KCNQ2: variants seen among roughly 807,000 people sequenced by gnomAD.
KCNQ2 encodes the protein potassium voltage-gated channel subfamily Q member 2.
KCNQ2 carries 14 observed loss-of-function variants against 84.8 expected under a neutral mutation model. The observed-to-expected ratio is 0.17, with a 90% confidence interval of 0.11 to 0.26. KCNQ2 has a LOEUF of 0.26. Ranked by LOEUF, KCNQ2 falls within the 10% of genes least tolerant of loss-of-function variation. KCNQ2 has a pLI of 1.00. For synonymous variants in KCNQ2, 599 were observed against 554.1 expected, an observed-to-expected ratio of 1.08 and a Z score of -1.14; for missense variants, 788 against 1,254.0, an observed-to-expected ratio of 0.63 and a Z score of 5.61.
At chr20:63,442,255 G>A (rs1374351011) in intron 5 of KCNQ2, 151 bp downstream of exon 5, 20 of 270,092 alleles carry the variant, frequency 7.4e-5, no homozygotes, top group Admixed American at 2.1e-4. Context: ...CCACCACCCC[G>A]CCTCGACCAC....
intron 7 of KCNQ2, among the ~76,000 whole-genome samples, chr20:63,434,990 C>G (rs1193195645): frequency 6.6e-6 from 1 of 152,340 alleles, no homozygotes; most frequent in East Asian, 1.9e-4. Flanking sequence ...TCCACGTTTA[C>G]GAACTTTCTG....
At chr20:63,443,170 ACATCAC>A (rs1230534699) in intron 4 of KCNQ2, among the ~76,000 whole-genome samples, 10 of 77,664 alleles carry the variant, frequency 1.3e-4, no homozygotes, top group Non-Finnish European at 2.4e-4. Flanking sequence ...CACCACCATC[ACATCAC>A]CATCACCATC....
Position 63,406,824 on chromosome 20 carries a change from G to C in KCNQ2, c.2439C>G (p.Asn813Lys). 2.5e-6 allele frequency: 4 copies of C among 1,612,610 alleles called. No homozygotes were observed. The highest frequency in any genetic ancestry group is 3.4e-6 in the Non-Finnish European group (4 of 1,179,856). Residue 813 changes from asparagine to lysine, a missense_variant, in exon 17 of 17, where the codon AAC becomes AAG. Physicochemically the swap from Asn to Lys is moderately conservative, Grantham distance 94 (BLOSUM62 0). Transcript: ENST00000359125. Reference protein sequence around the residue: ...SGFSISQSKENLDALNSCYAA... With the variant: ...SGFSISQSKEKLDALNSCYAA... ...CGTAGCAGCTGTTGAGAGCATCCAG[G>C]TTCTCCTTGGACTGGGAGATGCTGA...
intron 12 of KCNQ2, among the ~76,000 whole-genome samples, chr20:63,419,247 G>A (rs2080393503): frequency 6.7e-6 from 1 of 149,828 alleles, no homozygotes; most frequent in Admixed American, 6.6e-5. Context: ...AGCCAGGAAG[G>A]CTCAGTCATC....
At position 63,407,157 on chromosome 20, in the gene KCNQ2, C is replaced by T. The variant is rs187252584; in HGVS notation, c.2106G>A (p.Ser702=). ...SSSSTGQKNF[S]APPAAPPVQC... is the part of the protein sequence containing the mutation. ...GGACAGGGGGCGCGGCCGGGGGCGC[C>T]GAGAAGTTCTTCTGGCCCGTGGAGC... Residue 702 remains serine, a synonymous_variant, in exon 17 of 17, where the codon TCG becomes TCA. Coordinates refer to ENST00000359125, the MANE Select transcript of KCNQ2 (RefSeq NM_172107.4). The surrounding 1 kb of genome is among the most constrained non-coding windows in gnomAD (Gnocchi z 7.2). 1,795 of 1,593,666 alleles carry T rather than the reference C, an allele frequency of 1.1e-3. 21 individuals carry two copies. In the African/African-American group the frequency reaches 0.021, roughly 18 times the overall value.
intron 5 of KCNQ2, among the ~76,000 whole-genome samples, chr20:63,441,872 G>A (rs1193114532): frequency 2.0e-5 from 3 of 152,224 alleles, no homozygotes; most frequent in African/African-American, 4.8e-5. Flanking sequence ...CATGTGCGGG[G>A]CTAGGCCCGG....
intron 1 of KCNQ2, chr20:63,471,895 G>T: frequency 2.4e-6 from 1 of 414,970 alleles, no homozygotes; most frequent in Non-Finnish European, 4.2e-6. Context: ...CCAGGCTGAG[G>T]AGGGGGCTGG....
At chr20:63,418,266 G>C (rs886548597) in intron 12 of KCNQ2, among the ~76,000 whole-genome samples, 2 of 152,244 alleles carry the variant, frequency 1.3e-5, no homozygotes, top group African/African-American at 4.8e-5. Flanking sequence ...TGTGTGCGAG[G>C]GGCGTCCGTG....
At chr20:63,455,639 G>A (rs540639999) in intron 1 of KCNQ2, among the ~76,000 whole-genome samples, 40 of 152,298 alleles carry the variant, frequency 2.6e-4, no homozygotes, top group African/African-American at 9.4e-4. Context: ...CAGGCCAGAG[G>A]GGTGCCCAGT....
chr20:63,412,567 C>T (rs1460572855), intron 15 of KCNQ2, among the ~76,000 whole-genome samples: 1 of 152,240 alleles, frequency 6.6e-6, no homozygotes, highest in Non-Finnish European at 1.5e-5. Context: ...CCCCCTGAAG[C>T]AGGACTGGGC....
intron 15 of KCNQ2, among the ~76,000 whole-genome samples, chr20:63,412,768 G>A (rs138163169): frequency 6.6e-6 from 1 of 152,348 alleles, no homozygotes; most frequent in African/African-American, 2.4e-5. Context: ...GAGAGGGAGG[G>A]GACCCTGATA....
At chr20:63,416,798 A>C (rs1368617153) in intron 12 of KCNQ2, among the ~76,000 whole-genome samples, 1 of 151,862 alleles carries the variant, frequency 6.6e-6, no homozygotes, top group Non-Finnish European at 1.5e-5. Context: ...AGCCACAGAC[A>C]TGAGAGCCCA....
chr20:63,412,642 G>A (rs1238389545), intron 15 of KCNQ2, among the ~76,000 whole-genome samples: 1 of 152,244 alleles, frequency 6.6e-6, no homozygotes, highest in Non-Finnish European at 1.5e-5. Flanking sequence ...GGAGGGCCCG[G>A]AGTTGGGCTG....
chr20:63,414,774 A>G lies in KCNQ2; in HGVS notation c.1525+129T>C. On this transcript the variant is annotated intron_variant, in intron 13 of 16. Transcript: ENST00000359125. This position sits in a 1 kb window ranked among gnomAD's most constrained non-coding sequence, Gnocchi z 6.6. The stretch of plus-strand genomic sequence containing the variant: ...TGCACAAGTCTCACCTCAATTTTAG[A>G]AAGGATAGGGGGTTCCCACTCCAAG... The G allele has an allele frequency of 1.2e-6, 1 of 858,146 alleles. No individual in the cohort carries two copies. Among genetic ancestry groups the G allele is most frequent in the South Asian group, 1.4e-5 (1 of 72,330 alleles). 53.2% of individuals were successfully genotyped at this position (858,146 alleles called of 1,614,324 possible).
intron 1 of KCNQ2, chr20:63,448,071 CATAGAAG>C (rs2081487887): frequency 6.6e-6 from 1 of 152,268 alleles, no homozygotes; most frequent in South Asian, 2.1e-4. Context: ...ATAGAAGAGA[CATAGAAG>C]ATCTCCCAGC....
chr20:63,462,773 C>T (rs6011839), intron 1 of KCNQ2, among the ~76,000 whole-genome samples: 5,883 of 152,242 alleles, frequency 0.039, 381 homozygotes, highest in African/African-American at 0.13. Flanking sequence ...TCACTGCAAA[C>T]CGGTCAGAGA....
intron 1 of KCNQ2, among the ~76,000 whole-genome samples, chr20:63,468,971 T>C (rs2082145268): frequency 6.6e-6 from 1 of 152,228 alleles, no homozygotes; most frequent in African/African-American, 2.4e-5. Context: ...TCTGGCAGGC[T>C]GTAACTAAGC....
At position 63,400,349 on chromosome 20, in the gene KCNQ2, C is replaced by T. The variant is rs2079784176; in HGVS notation, c.*6295G>A. 5.8e-6 allele frequency: 2 copies of T among 346,302 alleles called. No homozygotes were observed. The highest frequency in any genetic ancestry group is 1.0e-5 in the Non-Finnish European group (2 of 193,702). 21.5% of individuals were successfully genotyped at this position (346,302 alleles called of 1,614,324 possible). On this transcript the variant is annotated 3_prime_UTR_variant, in exon 17 of 17. Coordinates refer to ENST00000359125, the MANE Select transcript of KCNQ2 (RefSeq NM_172107.4). This position sits in a 1 kb window ranked among gnomAD's most constrained non-coding sequence, Gnocchi z 8.7. The stretch of plus-strand genomic sequence containing the variant: ...ACACCCGAAGTCCCCCGCAAACCCG[C>T]ACTGGCGCATTCTTACGGCTCTGGC...
chr20:63,421,260 G>A (rs958076204), intron 11 of KCNQ2, among the ~76,000 whole-genome samples: 14 of 152,174 alleles, frequency 9.2e-5, no homozygotes, highest in African/African-American at 2.4e-4. Context: ...CTGAAGCTCC[G>A]GCTGTCGCCA....
Sources: gnomAD v4.1 joint callset for allele counts (sites outside exome capture counted in the v4.1 genomes callset) on GRCh38, gnomAD v4.1.1 for gene constraint, Gnocchi (gnomAD v3.1) non-coding constraint, MANE v1.5 for transcripts, NCBI Gene and HGNC (gene_info 2026-07-23, HGNC 2026-07-21) for gene names.